Variants in CSMD1 observed in about 807,000 individuals in gnomAD.
CSMD1 encodes CUB and sushi domain-containing protein 1.
CSMD1 carries 213 observed loss-of-function variants against 417.5 expected under a neutral mutation model. The observed-to-expected ratio is 0.51, with a 90% CI of 0.46 to 0.57. The LOEUF is 0.57. CSMD1 is among the 20% of genes least tolerant of loss of function. The pLI, the probability that CSMD1 is intolerant of heterozygous loss-of-function variation, is 0.00. For missense variants in CSMD1, 6,923 were observed against 4,529.7 expected (o/e 1.53, Z -15.17); for synonymous variants, 2,862 against 1,736.8 (o/e 1.65, Z -16.11).
chr8:4,112,350 T>G (rs1801901805), intron 3 of CSMD1, among the ~76,000 whole-genome samples: 1 of 152,182 alleles, frequency 6.6e-6, no homozygotes, highest in Non-Finnish European at 1.5e-5. Flanking sequence ...GTGATGAGGC[T>G]AGGGCTCCAT....
chr8:4,167,220 C>G (rs77578630), intron 3 of CSMD1, among the ~76,000 whole-genome samples: 1 of 151,952 alleles, frequency 6.6e-6, no homozygotes, highest in East Asian at 1.9e-4. Context: ...TTGGAAAATC[C>G]TGATTTTAGG....
intron 5 of CSMD1, among the ~76,000 whole-genome samples, chr8:3,970,375 A>G (rs1483791496): frequency 6.6e-6 from 1 of 152,204 alleles, no homozygotes; most frequent in African/African-American, 2.4e-5. Flanking sequence ...AACTCCGACC[A>G]AACAGTAAAT....
At chr8:4,300,631 C>A (rs1438099104) in intron 3 of CSMD1, among the ~76,000 whole-genome samples, 1 of 152,062 alleles carries the variant, frequency 6.6e-6, no homozygotes, top group Non-Finnish European at 1.5e-5. Context: ...TGTGCTGCAC[C>A]CATTAACTCG....
chr8:3,589,599 G>C (rs753803876), intron 8 of CSMD1, among the ~76,000 whole-genome samples: 4 of 152,144 alleles, frequency 2.6e-5, no homozygotes, highest in African/African-American at 4.8e-5. Flanking sequence ...GTAGCAGAGT[G>C]TGGGTATCAG....
chr8:4,212,751 C>CTTTTTTTTTTTTTTTTTTTTTTTTTTTTT (rs5889027), intron 3 of CSMD1, among the ~76,000 whole-genome samples: 4 of 99,268 alleles, frequency 4.0e-5, no homozygotes, highest in East Asian at 3.6e-4. Flanking sequence ...CGGCCTTATT[C>CTTTTTTTTTTTTTTTTTTTTTTTTTTTTT]TTTTTTTTTT....
At chr8:3,443,576 A>G (rs1480807271) in intron 12 of CSMD1, among the ~76,000 whole-genome samples, 3 of 152,226 alleles carry the variant, frequency 2.0e-5, no homozygotes, top group Non-Finnish European at 4.4e-5. Flanking sequence ...GAAACAGTTT[A>G]GAAGAGAAGG....
chr8:3,459,594 C>T (rs2117145304), intron 12 of CSMD1, among the ~76,000 whole-genome samples: 1 of 152,216 alleles, frequency 6.6e-6, no homozygotes. Flanking sequence ...CAGGGGAATT[C>T]AACCAATAGC....
intron 3 of CSMD1, among the ~76,000 whole-genome samples, chr8:4,083,662 C>G (rs986146739): frequency 6.6e-6 from 1 of 152,046 alleles, no homozygotes; most frequent in African/African-American, 2.4e-5. Flanking sequence ...AACTGGATCC[C>G]TTCCTTACAC....
At chr8:2,962,396 A>G (rs536339176) in intron 61 of CSMD1, 70 bp downstream of exon 61, 9 of 1,382,620 alleles carry the variant, frequency 6.5e-6, no homozygotes, top group Non-Finnish European at 9.0e-6. Context: ...CAAATGACCC[A>G]ATTTCGGAAT....
intron 18 of CSMD1, chr8:3,375,148 C>G (rs1810224849): frequency 6.6e-6 from 1 of 152,180 alleles, no homozygotes; most frequent in African/African-American, 2.4e-5. Context: ...ACCTCGTTCT[C>G]CAACTGTGTT....
intron 7 of CSMD1, among the ~76,000 whole-genome samples, chr8:3,647,303 G>A (rs1440636711): frequency 6.6e-6 from 1 of 152,212 alleles, no homozygotes; most frequent in Non-Finnish European, 1.5e-5. Flanking sequence ...TCATGTGTGA[G>A]CCTGGGTTGT....
intron 3 of CSMD1, among the ~76,000 whole-genome samples, chr8:4,279,931 C>A (rs1388534177): frequency 6.6e-6 from 1 of 152,064 alleles, no homozygotes; most frequent in African/African-American, 2.4e-5. Context: ...AGCAAAGATA[C>A]AAATCACAAG....
At chr8:3,760,140 C>T (rs938557203) in intron 5 of CSMD1, among the ~76,000 whole-genome samples, 2 of 152,026 alleles carry the variant, frequency 1.3e-5, no homozygotes, top group Non-Finnish European at 2.9e-5. Flanking sequence ...GAGAAAGGGT[C>T]TTCTTAAGGG....
In CSMD1 at chr8:3,575,209, G is replaced by A. The variant is rs895652919; in HGVS notation, c.1223-143C>T. On this transcript the variant is annotated intron_variant, in intron 9 of 69. Transcript: ENST00000635120. ...AAAATGGTGCATGGACTCCAACTGG[G>A]GCATGGACTCCAGTCAGCAAGTGGA... The A allele has an allele frequency of 2.0e-5, 17 of 852,348 alleles. No homozygotes were observed. The African/African-American group carries it at 2.6e-4, about 13-fold the overall frequency. The allele number at this position is 852,348 out of a possible 1,614,324, so 52.8% of individuals were successfully genotyped here. A position where few individuals can be genotyped will look rare whatever the true frequency, so the allele number is the denominator to read the frequency against.
At chr8:3,606,073 G>A (rs753265528) in intron 8 of CSMD1, among the ~76,000 whole-genome samples, 26 of 152,132 alleles carry the variant, frequency 1.7e-4, no homozygotes, top group Non-Finnish European at 3.4e-4. Flanking sequence ...ATAAATACAT[G>A]TATAAAACTC....
At chr8:3,078,711 A>G (rs1025055987) in intron 49 of CSMD1, among the ~76,000 whole-genome samples, 4 of 152,170 alleles carry the variant, frequency 2.6e-5, no homozygotes, top group Non-Finnish European at 5.9e-5. Flanking sequence ...GGCCCTTTAC[A>G]GGAAAAGAGA....
At chr8:4,277,922 G>C (rs932501216) in intron 3 of CSMD1, among the ~76,000 whole-genome samples, 6 of 151,942 alleles carry the variant, frequency 3.9e-5, no homozygotes, top group Admixed American at 3.3e-4. Context: ...TAATTTTTTT[G>C]TATTTTTAGT....
At position 3,778,723 on chromosome 8, in the gene CSMD1, T is replaced by C. The variant is rs539415769; in HGVS notation, c.819-24681A>G. Reference sequence around the variant, plus strand: ...ATCATCTTCCGAGCACCGCTTCCTTTCTGCAGGGCCTTTGGAAATCAGGTT... The same window carrying C: ...ATCATCTTCCGAGCACCGCTTCCTTCCTGCAGGGCCTTTGGAAATCAGGTT... On this transcript the variant is annotated intron_variant, in intron 5 of 69. Transcript: ENST00000635120. Among the ~76,000 whole-genome samples the C allele has an allele frequency of 1.1e-3, 175 of 152,334 alleles. 1 individual carries two copies. Among genetic ancestry groups the C allele is most frequent in the African/African-American group, 4.0e-3 (165 of 41,582 alleles).
chr8:3,428,248 G>A lies in CSMD1; in HGVS notation c.1562-18643C>T, dbSNP rs533563546. Among the ~76,000 whole-genome samples the A allele has an allele frequency of 2.3e-4, 35 of 151,796 alleles. No homozygotes were observed. The East Asian group carries it at 4.7e-3, about 21-fold the overall frequency. On this transcript the variant is annotated intron_variant, in intron 12 of 69. Coordinates refer to ENST00000635120, the MANE Select transcript of CSMD1 (RefSeq NM_033225.6). ...ACTGTTAAACACTCGAGGAAGGGGG[G>A]ACCTTAAAAGTCACTTTAGAAAACA...
Sources: gnomAD v4.1 joint callset for allele counts (sites outside exome capture counted in the v4.1 genomes callset) on GRCh38, gnomAD v4.1.1 for gene constraint, MANE v1.5 for transcripts, NCBI Gene and HGNC (gene_info 2026-07-23, HGNC 2026-07-21) for gene names.